The following SLC14A2 variants were observed in gnomAD, a reference collection of about 807,000 sequenced individuals.
The protein encoded by SLC14A2 is solute carrier family 14 member 2.
In SLC14A2, 91 loss-of-function variants were observed where a neutral mutation model predicts 104.6. The observed-to-expected ratio is 0.87, with a 90% CI of 0.73 to 1.04. The LOEUF is 1.04. Ranked by LOEUF, SLC14A2 falls within the 50% of genes least tolerant of loss-of-function variation. SLC14A2 has a pLI of 0.00. For synonymous variants in SLC14A2, 476 were observed against 466.4 expected (o/e 1.02, Z -0.27); for missense variants, 1,189 against 1,156.0 (o/e 1.03, Z -0.41).
intron 2 of SLC14A2, among the ~76,000 whole-genome samples, chr18:45,587,174 C>A (rs988193125): frequency 2.6e-5 from 4 of 152,078 alleles, no homozygotes; most frequent in Non-Finnish European, 5.9e-5. Flanking sequence ...ACGGTTTTAC[C>A]ATATTGGCCA....
chr18:45,527,306 C>A (rs966630089), intron 2 of SLC14A2, among the ~76,000 whole-genome samples: 1 of 152,102 alleles, frequency 6.6e-6, no homozygotes, highest in African/African-American at 2.4e-5. Context: ...CTAACAAATC[C>A]AAGACTTGAG....
intron 2 of SLC14A2, among the ~76,000 whole-genome samples, chr18:45,544,234 A>C (rs2043933031): frequency 6.6e-6 from 1 of 152,240 alleles, no homozygotes; most frequent in Admixed American, 6.5e-5. Flanking sequence ...TGGGTACCCC[A>C]CACACAGCTT....
intron 1 of SLC14A2, among the ~76,000 whole-genome samples, chr18:45,368,192 G>T (rs2085685671): frequency 6.6e-6 from 1 of 152,150 alleles, no homozygotes; most frequent in African/African-American, 2.4e-5. Context: ...CTCCTGAGCA[G>T]TGCTTATGAG....
At chr18:45,182,432 A>G in the SLC14A2 span, among the ~76,000 whole-genome samples, 16 of 151,908 alleles carry the variant, frequency 1.1e-4, no homozygotes, top group Admixed American at 1.0e-3. Context: ...AAAAATTGTT[A>G]AAGACTGTAA....
chr18:45,587,687 C>A (rs969373328), intron 2 of SLC14A2, among the ~76,000 whole-genome samples: 4 of 152,154 alleles, frequency 2.6e-5, no homozygotes, highest in Non-Finnish European at 5.9e-5. Context: ...ATCCAGCTCT[C>A]TGATTTCCCA....
chr18:45,540,673 A>T (rs916236486), intron 2 of SLC14A2, among the ~76,000 whole-genome samples: 6 of 152,100 alleles, frequency 3.9e-5, no homozygotes, highest in Admixed American at 1.3e-4. Flanking sequence ...TGAATCTGGG[A>T]AGTGGAGTTT....
At chr18:45,666,813 A>T in intron 12 of SLC14A2, 122 bp from the exon 13 acceptor site, 1 of 792,514 alleles carries the variant, frequency 1.3e-6, no homozygotes, top group Non-Finnish European at 2.0e-6. Flanking sequence ...GGGAGGTTAA[A>T]CAGCAATTTA....
intron 1 of SLC14A2, among the ~76,000 whole-genome samples, chr18:45,459,079 A>G (rs954945496): frequency 6.6e-6 from 1 of 152,200 alleles, no homozygotes; most frequent in African/African-American, 2.4e-5. Flanking sequence ...TTGTCAGTGC[A>G]GGACATCTGC....
intron 1 of SLC14A2, among the ~76,000 whole-genome samples, chr18:45,292,215 A>G (rs148591441): frequency 2.0e-5 from 3 of 152,328 alleles, no homozygotes; most frequent in African/African-American, 4.8e-5. Flanking sequence ...TCAAAGTCAC[A>G]TTGATATGCT....
chr18:45,461,830 AT>A (rs1306768238), intron 1 of SLC14A2, among the ~76,000 whole-genome samples: 6 of 152,246 alleles, frequency 3.9e-5, no homozygotes, highest in Non-Finnish European at 8.8e-5. Context: ...TTTATAAAAG[AT>A]TGCAACTCAT....
At chr18:45,452,434 G>A (rs2086873093) in intron 1 of SLC14A2, among the ~76,000 whole-genome samples, 2 of 152,174 alleles carry the variant, frequency 1.3e-5, no homozygotes, top group African/African-American at 2.4e-5. Context: ...TTGTTTGTGT[G>A]TGAGTGAGAT....
rs74968612 is a variant in SLC14A2, at chr18:45,633,651, C to T, written c.650+1173C>T. Among the ~76,000 whole-genome samples the T allele has an allele frequency of 4.9e-3, 746 of 152,306 alleles. 10 individuals carry two copies. Among genetic ancestry groups the T allele is most frequent in the African/African-American group, 0.017 (695 of 41,558 alleles). ...ATACCACCCTGTTCTCAACTTCCCTCAAACAGTGTGATTTATTCTTATTGT... is the reference window on the plus strand; with the variant it reads ...ATACCACCCTGTTCTCAACTTCCCTTAAACAGTGTGATTTATTCTTATTGT... On this transcript the variant is annotated intron_variant, in intron 5 of 19. Transcript: ENST00000255226.
At chr18:45,209,098 A>G (rs1453422607), upstream of SLC14A2, among the ~76,000 whole-genome samples, 1 of 147,408 alleles carries the variant, frequency 6.8e-6, no homozygotes, top group East Asian at 2.0e-4. Flanking sequence ...GCACTTTGGG[A>G]GGCTGAGGCG....
chr18:45,306,098 G>A (rs960383711), intron 1 of SLC14A2, among the ~76,000 whole-genome samples: 14 of 152,122 alleles, frequency 9.2e-5, no homozygotes, highest in African/African-American at 2.9e-4. Context: ...CTTCCTTTCC[G>A]TCTACTCCCT....
At chr18:45,270,587 G>A (rs2144118966) in intron 1 of SLC14A2, among the ~76,000 whole-genome samples, 1 of 152,228 alleles carries the variant, frequency 6.6e-6, no homozygotes, top group Non-Finnish European at 1.5e-5. Flanking sequence ...CCAGAACCCA[G>A]TTGTGCTTAG....
chr18:45,334,785 T>C (rs1017668752), intron 1 of SLC14A2, among the ~76,000 whole-genome samples: 1 of 152,108 alleles, frequency 6.6e-6, no homozygotes, highest in Admixed American at 6.5e-5. Flanking sequence ...TAGCCCTAGG[T>C]GAATGGTGAC....
At chr18:45,567,635 G>A (rs1197791293) in intron 2 of SLC14A2, among the ~76,000 whole-genome samples, 1 of 152,298 alleles carries the variant, frequency 6.6e-6, no homozygotes, top group East Asian at 1.9e-4. Flanking sequence ...CCTGGGGAGT[G>A]TGAGGAAGGC....
intron 2 of SLC14A2, among the ~76,000 whole-genome samples, chr18:45,591,695 G>A (rs2144388871): frequency 6.6e-6 from 1 of 152,304 alleles, no homozygotes; most frequent in South Asian, 2.1e-4. Context: ...GTACACTTTT[G>A]AGTAGCAAGG....
At chr18:45,344,616 G>A (rs1011883275) in intron 1 of SLC14A2, among the ~76,000 whole-genome samples, 5 of 151,164 alleles carry the variant, frequency 3.3e-5, no homozygotes, top group Non-Finnish European at 5.9e-5. Context: ...TCCCAGAAAC[G>A]TTGTCAAAAG....
Sources: gnomAD v4.1 joint callset for allele counts (sites outside exome capture counted in the v4.1 genomes callset) on GRCh38, gnomAD v4.1.1 for gene constraint, MANE v1.5 for transcripts, NCBI Gene and HGNC (gene_info 2026-07-23, HGNC 2026-07-21) for gene names.